PCDHGA6: variants seen among roughly 807,000 people sequenced by gnomAD.
The protein encoded by PCDHGA6 is protocadherin gamma subfamily A, 6.
Under a neutral mutation model 60.6 loss-of-function variants are expected in PCDHGA6, and 41 were observed. The ratio of observed to expected loss-of-function variants is 0.68; its 90% confidence interval spans 0.53 to 0.88. The LOEUF is 0.88. PCDHGA6 is among the 40% of genes least tolerant of loss of function. PCDHGA6 has a pLI of 0.00. For missense variants in PCDHGA6, 1,312 were observed against 1,203.0 expected, an observed-to-expected ratio of 1.09 and a Z score of -1.34; for synonymous variants, 594 against 524.4, an observed-to-expected ratio of 1.13 and a Z score of -1.81.
chr5:141,392,706 C>T (rs2092579718), intron 1 of PCDHGA6: 1 of 1,289,828 alleles, frequency 7.8e-7, no homozygotes, highest in South Asian at 1.6e-5. Flanking sequence ...TGTTTGGAGG[C>T]ACTCCAGGTT....
chr5:141,419,269 C>G (rs1456612499), intron 1 of PCDHGA6: 1 of 1,614,034 alleles, frequency 6.2e-7, no homozygotes, highest in Admixed American at 1.7e-5. Flanking sequence ...CGGGTGCCTC[C>G]ATAGCGCAAG....
At chr5:141,380,894 AT>A (rs1776829006) in intron 1 of PCDHGA6, among the ~76,000 whole-genome samples, 1 of 152,262 alleles carries the variant, frequency 6.6e-6, no homozygotes, top group Admixed American at 6.5e-5. Context: ...TTGTTTGAAA[AT>A]ATCTACAAGT....
chr5:141,482,380 C>A (rs2099557573), intron 1 of PCDHGA6, among the ~76,000 whole-genome samples: 1 of 151,712 alleles, frequency 6.6e-6, no homozygotes, highest in Non-Finnish European at 1.5e-5. Context: ...ATATAAAGTC[C>A]CTGTATGGAG....
intron 1 of PCDHGA6, chr5:141,419,113 C>A: frequency 6.2e-7 from 1 of 1,613,872 alleles, no homozygotes; most frequent in Non-Finnish European, 8.5e-7. Flanking sequence ...CCCCAGAGTA[C>A]AACGTCACCA....
At chr5:141,419,602 C>G (rs757423030) in intron 1 of PCDHGA6, 3 of 1,611,874 alleles carry the variant, frequency 1.9e-6, no homozygotes, top group African/African-American at 2.7e-5. Context: ...TGCCGCGGGC[C>G]GCGCAGCCAG....
At chr5:141,418,530 G>C in intron 1 of PCDHGA6, 1 of 1,613,952 alleles carries the variant, frequency 6.2e-7, no homozygotes, top group Non-Finnish European at 8.5e-7. Flanking sequence ...CCCCGAAGCG[G>C]TACTGCTCAG....
chr5:141,399,012 A>G (rs767195686), intron 1 of PCDHGA6: 7 of 1,613,946 alleles, frequency 4.3e-6, no homozygotes, highest in Admixed American at 3.3e-5. Context: ...CAAAGAGCGG[A>G]GAAATTACCA....
Position 141,375,875 on chromosome 5 carries a change from T to C in PCDHGA6, c.1792T>C (p.Ser598Pro). Residue 598 changes from serine (S) to proline (P), a missense_variant, in exon 1 of 4, where the codon TCG (serine) becomes CCG (proline). Coordinates refer to ENST00000517434, the MANE Select transcript of PCDHGA6 (RefSeq NM_018919.3). ...VTKVVAVDRD[S>P]GQNAWLSYRL... ...CAAGGTGGTGGCGGTGGACAGAGAC[T>C]CGGGCCAGAACGCCTGGCTGTCCTA... 6.2e-7 allele frequency: 1 copy of C among 1,613,778 alleles called. No homozygotes were observed. The highest frequency in any genetic ancestry group is 8.5e-7 in the Non-Finnish European group (1 of 1,180,018).
rs1248983040 is a variant in PCDHGA6, at chr5:141,476,937, G to T, written c.2425-17870G>T. 3.1e-6 allele frequency: 5 copies of T among 1,614,186 alleles called. No homozygotes were observed. Among genetic ancestry groups the T allele is most frequent in the Non-Finnish European group, 4.2e-6 (5 of 1,180,050 alleles). The stretch of plus-strand genomic sequence containing the variant: ...GTCCTTGCAACGGATCTGGATGAAG[G>T]CCCCAACGGTGAAATTATTTACTCC... On this transcript the variant is annotated intron_variant, in intron 1 of 3. Coordinates refer to ENST00000517434, the MANE Select transcript of PCDHGA6 (RefSeq NM_018919.3). This position sits in a 1 kb window ranked among gnomAD's most constrained non-coding sequence, Gnocchi z 7.6.
rs369352283 is a variant in PCDHGA6 at position 141,374,184 on chromosome 5, C to T, written c.101C>T (p.Ser34Phe). The change falls in exon 1 of 4, where the codon TCT becomes TTT. Residue 34 changes from serine to phenylalanine, a missense_variant. By Grantham distance (155) the Ser-to-Phe change is radical (BLOSUM62 -2). Coordinates refer to ENST00000517434, the MANE Select transcript of PCDHGA6 (RefSeq NM_018919.3). ...WGAAAAQIRY[S>F]IPEELEKGSF... ...GCCGCGGCAGCGCAGATCCGCTACTCTATTCCCGAGGAGCTGGAGAAAGGC... is the reference window on the plus strand; with the variant it reads ...GCCGCGGCAGCGCAGATCCGCTACTTTATTCCCGAGGAGCTGGAGAAAGGC... The T allele has an allele frequency of 5.0e-6, 8 of 1,613,676 alleles. No homozygotes were observed. In the East Asian group the frequency reaches 1.1e-4, roughly 22 times the overall value.
chr5:141,408,307 C>T, intron 1 of PCDHGA6: 1 of 1,613,820 alleles, frequency 6.2e-7, no homozygotes, highest in East Asian at 2.2e-5. Flanking sequence ...CGATCCGCTA[C>T]TCGATTCCGG....
chr5:141,461,655 ATTTTAAAG>A (rs2099019832), intron 1 of PCDHGA6, among the ~76,000 whole-genome samples: 1 of 152,022 alleles, frequency 6.6e-6, no homozygotes, highest in African/African-American at 2.4e-5. Flanking sequence ...CCCATGGATT[ATTTTAAAG>A]TTTGTTATTT....
chr5:141,496,511 C>T (rs1161285563), intron 2 of PCDHGA6, among the ~76,000 whole-genome samples: 1 of 152,182 alleles, frequency 6.6e-6, no homozygotes, highest in Non-Finnish European at 1.5e-5. Flanking sequence ...CACAAGGACC[C>T]AGGAGCCCTT....
chr5:141,454,956 G>A (rs62379171), intron 1 of PCDHGA6, among the ~76,000 whole-genome samples: 5,077 of 149,940 alleles, frequency 0.034, 97 homozygotes, highest in Middle Eastern at 0.091. Context: ...TACAGGCGCC[G>A]GCCACCACGC....
intron 1 of PCDHGA6, among the ~76,000 whole-genome samples, chr5:141,457,254 A>G (rs2098914828): frequency 6.6e-6 from 1 of 152,222 alleles, no homozygotes; most frequent in Admixed American, 6.5e-5. Flanking sequence ...TTGCCAACAT[A>G]TAGAATTCCC....
chr5:141,414,271 C>T (rs1561747971), intron 1 of PCDHGA6: 3 of 1,613,292 alleles, frequency 1.9e-6, no homozygotes, highest in East Asian at 2.2e-5. Context: ...AGATTCACCT[C>T]TGGGAACAGT....
At chr5:141,414,489 G>C (rs754325517) in intron 1 of PCDHGA6, 2 of 1,613,872 alleles carry the variant, frequency 1.2e-6, no homozygotes, top group South Asian at 2.2e-5. Context: ...CTCTATCAAC[G>C]GAAGCTCACT....
chr5:141,501,891 T>G (rs2099811650), intron 2 of PCDHGA6, among the ~76,000 whole-genome samples: 1 of 152,128 alleles, frequency 6.6e-6, no homozygotes, highest in Admixed American at 6.5e-5. Context: ...CTGATCATCA[T>G]GGTTCCAACC....
intron 1 of PCDHGA6, chr5:141,475,956 G>T (rs2099382674): frequency 2.5e-6 from 2 of 805,186 alleles, no homozygotes; most frequent in South Asian, 1.9e-5. Flanking sequence ...TCTGCGCCCC[G>T]GGATGAGGCA....
Sources: allele counts gnomAD v4.1 joint callset (sites outside exome capture counted in the v4.1 genomes callset), GRCh38; gene constraint gnomAD v4.1.1; non-coding constraint Gnocchi (gnomAD v3.1); transcripts MANE v1.5; gene names NCBI Gene and HGNC (gene_info 2026-07-23, HGNC 2026-07-21).